The following MATCAP2 variants were observed in gnomAD, a reference collection of about 807,000 sequenced individuals.
MATCAP2 encodes the protein microtubule associated tyrosine carboxypeptidase 2.
chr7:36,388,479 ATAT>A, the MATCAP2 span, among the ~76,000 whole-genome samples: 2 of 152,248 alleles, frequency 1.3e-5, no homozygotes, highest in African/African-American at 4.8e-5. Flanking sequence ...TAAGATGGAC[ATAT>A]TATTAAACAT....
At chr7:36,379,841 C>G in the MATCAP2 span, among the ~76,000 whole-genome samples, 4,671 of 126,848 alleles carry the variant, frequency 0.037, 98 homozygotes, top group Non-Finnish European at 0.048. Context: ...CACACACACA[C>G]ACACACAGAG....
the MATCAP2 span, among the ~76,000 whole-genome samples, chr7:36,359,539 A>G: frequency 6.6e-6 from 1 of 152,198 alleles, no homozygotes; most frequent in Non-Finnish European, 1.5e-5. Flanking sequence ...TGTCTAAAAG[A>G]TAACATAAAG....
At chr7:36,340,038 T>C in the MATCAP2 span, among the ~76,000 whole-genome samples, 12 of 152,044 alleles carry the variant, frequency 7.9e-5, no homozygotes, top group Non-Finnish European at 1.8e-4. Context: ...AATTTTTGTA[T>C]TTTTTAGTAG....
chr7:36,389,435 T>G, the MATCAP2 span, among the ~76,000 whole-genome samples: 1 of 151,502 alleles, frequency 6.6e-6, no homozygotes, highest in Non-Finnish European at 1.5e-5. Flanking sequence ...AGATCGCAGC[T>G]CACTGCAGCC....
At chr7:36,368,056 TA>T in the MATCAP2 span, 60,639 of 140,434 alleles carry the variant, frequency 0.43, 12,841 homozygotes, top group South Asian at 0.63. Context: ...AAAGTGAGAC[TA>T]AAAAAAAAAA....
At chr7:36,344,070 C>G in the MATCAP2 span, among the ~76,000 whole-genome samples, 1 of 152,010 alleles carries the variant, frequency 6.6e-6, no homozygotes, top group East Asian at 1.9e-4. Flanking sequence ...GCCATTATTT[C>G]TAGGTAAGTT....
At chr7:36,332,121 T>G in the MATCAP2 span, among the ~76,000 whole-genome samples, 5 of 151,458 alleles carry the variant, frequency 3.3e-5, no homozygotes, top group Admixed American at 6.6e-5. Flanking sequence ...TAATAAAACA[T>G]GAAAAACACA....
At chr7:36,334,961 T>C in the MATCAP2 span, 1 of 1,312,264 alleles carries the variant, frequency 7.6e-7, no homozygotes, top group Non-Finnish European at 1.0e-6. Flanking sequence ...TAAATACTAC[T>C]AAGAAAAAAC....
the MATCAP2 span, chr7:36,357,176 A>G: frequency 1.2e-6 from 2 of 1,614,204 alleles, no homozygotes; most frequent in East Asian, 4.5e-5. Context: ...TTTAGGTGGC[A>G]GTACTATGCC....
chr7:36,366,662 A>T, the MATCAP2 span: 1 of 1,532,098 alleles, frequency 6.5e-7, no homozygotes, highest in Non-Finnish European at 8.7e-7. Flanking sequence ...AACCGGTCTA[A>T]TATTACAATC....
the MATCAP2 span, among the ~76,000 whole-genome samples, chr7:36,330,817 A>G: frequency 1.3e-5 from 2 of 152,218 alleles, no homozygotes; most frequent in Non-Finnish European, 2.9e-5. Flanking sequence ...CAATTTGGTT[A>G]TATTACAGAA....
At chr7:36,352,825 C>CAAA in the MATCAP2 span, among the ~76,000 whole-genome samples, 2 of 104,324 alleles carry the variant, frequency 1.9e-5, no homozygotes, top group Non-Finnish European at 2.1e-5. Flanking sequence ...ACTCCCATCT[C>CAAA]AAAAAAAAAA....
chr7:36,383,759 C>T, the MATCAP2 span: 5,188 of 719,642 alleles, frequency 7.2e-3, 38 homozygotes, highest in Non-Finnish European at 9.8e-3. Flanking sequence ...ACGTGTATGC[C>T]TATGTAACAA....
At chr7:36,340,127 G>A in the MATCAP2 span, among the ~76,000 whole-genome samples, 1 of 152,184 alleles carries the variant, frequency 6.6e-6, no homozygotes, top group African/African-American at 2.4e-5. Context: ...GCCTCCTAAA[G>A]TTAGTGCTGG....
the MATCAP2 span, among the ~76,000 whole-genome samples, chr7:36,346,269 C>A: frequency 6.6e-6 from 1 of 152,138 alleles, no homozygotes; most frequent in South Asian, 2.1e-4. Flanking sequence ...TATGTACTAA[C>A]AAGTCCACTA....
the MATCAP2 span, among the ~76,000 whole-genome samples, chr7:36,370,628 T>G: frequency 6.6e-6 from 1 of 152,062 alleles, no homozygotes; most frequent in Non-Finnish European, 1.5e-5. Context: ...ATTACAGGCA[T>G]GCGCCACCAC....
chr7:36,384,185 CATA>C, the MATCAP2 span, among the ~76,000 whole-genome samples: 1 of 152,092 alleles, frequency 6.6e-6, no homozygotes, highest in Admixed American at 6.6e-5. Context: ...CTGCAAAAGA[CATA>C]ATTATTATTT....
the MATCAP2 span, among the ~76,000 whole-genome samples, chr7:36,362,864 C>A: frequency 6.6e-6 from 1 of 152,202 alleles, no homozygotes; most frequent in Non-Finnish European, 1.5e-5. Context: ...TCATTTTAGA[C>A]CCTCATAACA....
the MATCAP2 span, among the ~76,000 whole-genome samples, chr7:36,334,514 C>T: frequency 9.2e-6 from 1 of 108,366 alleles, no homozygotes; most frequent in Non-Finnish European, 1.7e-5. Context: ...CAAGAATGGG[C>T]GACAGACCGA....
Sources: gnomAD v4.1 joint callset for allele counts (sites outside exome capture counted in the v4.1 genomes callset) on GRCh38, gnomAD v4.1.1 for gene constraint, MANE v1.5 for transcripts, NCBI Gene and HGNC (gene_info 2026-07-23, HGNC 2026-07-21) for gene names.